SFRP1: variants seen among roughly 807,000 people sequenced by gnomAD.
SFRP1 encodes the protein secreted frizzled-related protein 1.
SFRP1 carries 9 observed loss-of-function variants against 25.9 expected under a neutral mutation model. The observed-to-expected ratio is 0.35, with a 90% CI of 0.21 to 0.61. The LOEUF is 0.61. Ranked by LOEUF, SFRP1 falls within the 20% of genes least tolerant of loss-of-function variation. The probability of loss-of-function intolerance (pLI) is 0.78; values close to 1 mark genes in which losing one functional copy is unlikely to be tolerated. For missense variants in SFRP1, 346 were observed against 418.2 expected (o/e 0.83, Z 1.51); for synonymous variants, 178 against 174.0 (o/e 1.02, Z -0.18).
At position 41,265,056 on chromosome 8, in the gene SFRP1, T is replaced by C. The variant is rs143114274; in HGVS notation, c.*111A>G. 2.1e-4 allele frequency: 151 copies of C among 714,094 alleles called. 2 individuals are homozygous for C. The East Asian group carries it at 3.2e-3, about 15-fold the overall frequency. The allele number at this position is 714,094 out of a possible 1,614,324, so 44.2% of individuals were successfully genotyped here. ...AGAACAAGCCGACTGGATTACAATG[T>C]CCACTACTGACAGGCGCAGTGCGTG... On this transcript the variant is annotated 3_prime_UTR_variant, in exon 3 of 3. Transcript: ENST00000220772.
In SFRP1 at chr8:41,309,458, CA is replaced by C. The variant is rs1804046467; in HGVS notation, c.-300del. 6.5e-6 allele frequency: 1 copy of C among 154,532 alleles called. No homozygotes were observed. The highest frequency in any genetic ancestry group is 2.4e-5 in the African/African-American group (1 of 41,380). 9.6% of individuals were successfully genotyped at this position (154,532 alleles called of 1,614,324 possible). ...CGCGCGGCACTGACTCCGGAGGCTGCAGGGCTGGAGTGCGCGGGGCTCCTAC... is the reference window on the plus strand; with the variant it reads ...CGCGCGGCACTGACTCCGGAGGCTGCGGGCTGGAGTGCGCGGGGCTCCTAC... On this transcript the variant is annotated 5_prime_UTR_variant, in exon 1 of 3. Coordinates refer to ENST00000220772, the MANE Select transcript of SFRP1 (RefSeq NM_003012.5).
chr8:41,274,313 T>A (rs1414872797), intron 2 of SFRP1, among the ~76,000 whole-genome samples: 1 of 152,218 alleles, frequency 6.6e-6, no homozygotes, highest in Non-Finnish European at 1.5e-5. Context: ...CTGATGCATA[T>A]CTGCCAGAAA....
chr8:41,307,708 T>C (rs1804015691), intron 1 of SFRP1, among the ~76,000 whole-genome samples: 1 of 152,238 alleles, frequency 6.6e-6, no homozygotes, highest in Non-Finnish European at 1.5e-5. Context: ...ATCTATTTCA[T>C]TTTATTTGAC....
At chr8:41,298,805 TA>T (rs887088949) in intron 2 of SFRP1, among the ~76,000 whole-genome samples, 2 of 152,134 alleles carry the variant, frequency 1.3e-5, no homozygotes, top group Non-Finnish European at 2.9e-5. Context: ...TTGTATCCAT[TA>T]AAAAAATTTT....
chr8:41,289,347 C>T (rs1803747756), intron 2 of SFRP1, among the ~76,000 whole-genome samples: 1 of 152,210 alleles, frequency 6.6e-6, no homozygotes, highest in Admixed American at 6.5e-5. Context: ...AAGTCACAAA[C>T]AGTTCAGTAG....
intron 1 of SFRP1, among the ~76,000 whole-genome samples, chr8:41,307,531 C>G (rs1333169047): frequency 2.0e-5 from 3 of 152,166 alleles, no homozygotes; most frequent in Non-Finnish European, 4.4e-5. Flanking sequence ...AGGCCCTCCT[C>G]AAAAAGCCCT....
At chr8:41,267,958 C>T (rs1803456777) in intron 2 of SFRP1, among the ~76,000 whole-genome samples, 1 of 152,168 alleles carries the variant, frequency 6.6e-6, no homozygotes, top group Non-Finnish European at 1.5e-5. Context: ...TATGAAATGG[C>T]AAAAGAGTGC....
intron 2 of SFRP1, among the ~76,000 whole-genome samples, chr8:41,280,683 A>G (rs1011710979): frequency 6.6e-6 from 1 of 152,198 alleles, no homozygotes; most frequent in African/African-American, 2.4e-5. Flanking sequence ...AGAAACAAAC[A>G]AAAAGCTTCC....
At position 41,303,494 on chromosome 8, in the gene SFRP1, C is replaced by T. The variant is rs1803954311; in HGVS notation, c.589G>A (p.Ala197Thr). ...CTGGCACAGAGATGTTCAATGATGG[C>T]CTCAGATTTCAACTCGTTGTCACAG... ...PPCDNELKSEAIIEHLCASEF... is the reference protein window; with the variant it reads ...PPCDNELKSETIIEHLCASEF... Residue 197 changes from alanine to threonine, a missense_variant, in exon 2 of 3, where the codon GCC (alanine) becomes ACC (threonine). Ala to Thr is a moderately conservative substitution (Grantham distance 58). Coordinates refer to ENST00000220772, the MANE Select transcript of SFRP1 (RefSeq NM_003012.5). 7 of 1,613,974 alleles carry T rather than the reference C, an allele frequency of 4.3e-6. No homozygotes were observed. Among genetic ancestry groups the T allele is most frequent in the Non-Finnish European group, 5.9e-6 (7 of 1,179,994 alleles).
Position 41,265,112 on chromosome 8 carries a change from T to TCCCCCCCC in SFRP1, c.*54_*55insGGGGGGGG. ...GACCCACCGGGTTCCCGGGGCACTG[T>TCCCCCCCC]CCCCCCCGCTCCCACCCCACCCGAG... On this transcript the variant is annotated 3_prime_UTR_variant, in exon 3 of 3. Coordinates refer to ENST00000220772, the MANE Select transcript of SFRP1 (RefSeq NM_003012.5). The TCCCCCCCC allele has an allele frequency of 5.8e-6, 3 of 517,774 alleles. No homozygotes were observed. The highest frequency in any genetic ancestry group is 3.6e-5 in the East Asian group (1 of 28,056). 32.1% of individuals were successfully genotyped at this position (517,774 alleles called of 1,614,324 possible).
chr8:41,274,948 G>C (rs187337596), intron 2 of SFRP1, among the ~76,000 whole-genome samples: 1 of 152,172 alleles, frequency 6.6e-6, no homozygotes, highest in East Asian at 1.9e-4. Context: ...ATATAGTTAG[G>C]ACTTCTTAAG....
intron 2 of SFRP1, among the ~76,000 whole-genome samples, chr8:41,267,824 A>G (rs1243427278): frequency 6.6e-6 from 1 of 152,190 alleles, no homozygotes; most frequent in Non-Finnish European, 1.5e-5. Context: ...TGCTGACTCT[A>G]TGGTTCCAAA....
intron 2 of SFRP1, among the ~76,000 whole-genome samples, chr8:41,297,268 T>C (rs1442074099): frequency 6.7e-6 from 1 of 150,242 alleles, no homozygotes; most frequent in Non-Finnish European, 1.5e-5. Flanking sequence ...GGTCTTGAAC[T>C]TCTGACCTCA....
intron 2 of SFRP1, among the ~76,000 whole-genome samples, chr8:41,285,076 C>A (rs1225377618): frequency 6.6e-6 from 1 of 152,232 alleles, no homozygotes; most frequent in Admixed American, 6.5e-5. Flanking sequence ...GTGAGATTTC[C>A]TCTAAAGAAA....
chr8:41,272,462 T>G (rs1329526560), intron 2 of SFRP1, among the ~76,000 whole-genome samples: 1 of 152,082 alleles, frequency 6.6e-6, no homozygotes, highest in Admixed American at 6.5e-5. Flanking sequence ...ATACAAAAAT[T>G]AGCCTGTGTG....
intron 2 of SFRP1, among the ~76,000 whole-genome samples, chr8:41,285,670 G>T (rs527243623): frequency 2.0e-5 from 3 of 152,272 alleles, no homozygotes; most frequent in African/African-American, 7.2e-5. Context: ...CTGTGGCCCA[G>T]CCCCCCAACC....
intron 2 of SFRP1, among the ~76,000 whole-genome samples, chr8:41,278,072 C>A (rs1803591982): frequency 6.6e-6 from 1 of 152,136 alleles, no homozygotes; most frequent in South Asian, 2.1e-4. Flanking sequence ...AGGACTCTTT[C>A]TTGGATGACG....
rs769227722 is a variant in SFRP1, at chr8:41,265,417, G to C, written c.695C>G (p.Pro232Arg). The change falls in exon 3 of 3, where the codon CCC (proline) becomes CGC (arginine). Residue 232 changes from proline (P) to arginine (R), a missense_variant. Transcript: ENST00000220772. The part of the protein sequence containing the change: ...DKKIVPKKKK[P>R]LKLGPIKKKD... ...CTTCTTGATGGGCCCCAACTTCAGG[G>C]GCTTCTTCTTCTTGGGGACAATCTT... 3 of 1,612,214 alleles carry C rather than the reference G, an allele frequency of 1.9e-6. No individual in the cohort carries two copies. Among genetic ancestry groups the C allele is most frequent in the Admixed American group, 1.7e-5 (1 of 59,696 alleles).
intron 2 of SFRP1, among the ~76,000 whole-genome samples, chr8:41,276,002 CCTCTCAAAGTG>C (rs1306870211): frequency 6.6e-6 from 1 of 152,210 alleles, no homozygotes; most frequent in African/African-American, 2.4e-5. Context: ...CCCACCTCAG[CCTCTCAAAGTG>C]CTCTCAAAGA....
Sources: allele counts gnomAD v4.1 joint callset (sites outside exome capture counted in the v4.1 genomes callset), GRCh38; gene constraint gnomAD v4.1.1; transcripts MANE v1.5; gene names NCBI Gene and HGNC (gene_info 2026-07-23, HGNC 2026-07-21).